Variants in ZNF875 observed in about 807,000 individuals in gnomAD.
ZNF875 encodes the protein HKR1, GLI-Kruppel zinc finger family member.
Under a neutral mutation model 11.2 loss-of-function variants are expected in ZNF875, and 14 were observed. The ratio of observed to expected loss-of-function variants is 1.26; its 90% CI spans 0.83 to 1.96. The LOEUF is 1.96. ZNF875 is among the 30% of genes most tolerant of loss of function. The pLI is 0.00. For missense variants in ZNF875, 752 were observed against 760.4 expected (o/e 0.99, Z 0.13); for synonymous variants, 301 against 281.1 (o/e 1.07, Z -0.71).
chr19:37,345,749 G>T (rs992956331), intron 2 of ZNF875, among the ~76,000 whole-genome samples: 12 of 152,140 alleles, frequency 7.9e-5, no homozygotes, highest in Admixed American at 7.9e-4. Context: ...AAGTTTTAAA[G>T]CAGTATATGG....
At chr19:37,345,471 A>G (rs1295919907) in intron 2 of ZNF875, among the ~76,000 whole-genome samples, 2 of 152,172 alleles carry the variant, frequency 1.3e-5, no homozygotes, top group Non-Finnish European at 2.9e-5. Context: ...TTAGAGACAC[A>G]ATGTCATACC....
intron 2 of ZNF875, among the ~76,000 whole-genome samples, chr19:37,338,403 G>A (rs946480895): frequency 6.6e-6 from 1 of 152,174 alleles, no homozygotes; most frequent in Admixed American, 6.5e-5. Context: ...GATTACAGGT[G>A]TGAGCCACTG....
intron 4 of ZNF875, among the ~76,000 whole-genome samples, chr19:37,361,109 C>CT (rs772368148): frequency 0.035 from 4,040 of 115,812 alleles, 132 homozygotes; most frequent in Non-Finnish European, 0.043. Flanking sequence ...TTGTCTTCTC[C>CT]TTTTTTTTTT....
At position 37,362,238 on chromosome 19, in the gene ZNF875, T is replaced by C. The variant is rs2040060279; in HGVS notation, c.386T>C (p.Leu129Pro). 1 of 1,614,144 alleles carries C rather than the reference T, an allele frequency of 6.2e-7. No homozygotes were observed. Among genetic ancestry groups the C allele is most frequent in the Non-Finnish European group, 8.5e-7 (1 of 1,180,016 alleles). Residue 129 changes from leucine (L) to proline (P), a missense_variant, in exon 5 of 5, where the codon CTC becomes CCC. Leu to Pro is a moderately conservative substitution (Grantham distance 98). Transcript: ENST00000392153. ...LFSSLWAGNP[L>P]HLGKHYPEDQ... ...TCAAGTTTATGGGCAGGAAATCCTC[T>C]CCACCTGGGAAAACACTATCCAGAA...
upstream of ZNF875, among the ~76,000 whole-genome samples, chr19:37,333,096 C>T (rs2033654005): frequency 6.6e-6 from 1 of 152,164 alleles, no homozygotes; most frequent in Non-Finnish European, 1.5e-5. Flanking sequence ...TTGAGAGTCC[C>T]CTTATTACTT....
intron 3 of ZNF875, 125 bp from the exon 4 acceptor site, chr19:37,347,652 A>G: frequency 1.5e-6 from 1 of 664,768 alleles, no homozygotes; most frequent in South Asian, 1.8e-5. Flanking sequence ...CTTCTACTTC[A>G]GAGAGAGAAC....
intron 4 of ZNF875, among the ~76,000 whole-genome samples, chr19:37,353,712 T>C (rs2038361685): frequency 6.6e-6 from 1 of 152,230 alleles, no homozygotes; most frequent in Non-Finnish European, 1.5e-5. Flanking sequence ...GGCATTGCAG[T>C]GTCTTCTGGC....
chr19:37,330,517 A>G (rs1156588413), upstream of ZNF875, among the ~76,000 whole-genome samples: 1 of 152,016 alleles, frequency 6.6e-6, no homozygotes, highest in Admixed American at 6.6e-5. Context: ...CTTCATCCCC[A>G]TAAGCCCCCA....
Position 37,363,817 on chromosome 19 carries a change from G to T in ZNF875, c.*42G>T. 6.5e-7 allele frequency: 1 copy of T among 1,538,082 alleles called. No homozygotes were observed. On this transcript the variant is annotated 3_prime_UTR_variant, in exon 5 of 5. Transcript: ENST00000392153. ...GGGAATGTGGTACAGCCTTTAGCCA[G>T]GAGTCATACTTCATCAGACACCAGA...
chr19:37,320,239 G>T (rs1281961677), intron 1 of ZNF875, among the ~76,000 whole-genome samples: 9 of 152,178 alleles, frequency 5.9e-5, no homozygotes, highest in Non-Finnish European at 1.5e-5. Context: ...AAGGGCCCAT[G>T]AATGAAATTT....
At chr19:37,336,923 AT>A (rs1449157316) in intron 2 of ZNF875, among the ~76,000 whole-genome samples, 1 of 152,088 alleles carries the variant, frequency 6.6e-6, no homozygotes, top group Non-Finnish European at 1.5e-5. Context: ...AAATAAATAA[AT>A]AAATATACAT....
chr19:37,342,139 C>A (rs1481977425), intron 2 of ZNF875, among the ~76,000 whole-genome samples: 1 of 152,190 alleles, frequency 6.6e-6, no homozygotes, highest in East Asian at 1.9e-4. Context: ...AGCGTGGAGA[C>A]TCCACTAGGC....
At chr19:37,333,185 A>T (rs116401314), upstream of ZNF875, among the ~76,000 whole-genome samples, 2,661 of 152,184 alleles carry the variant, frequency 0.017, 96 homozygotes, top group African/African-American at 0.061. Context: ...TTGTACACCT[A>T]CATCTAAACA....
chr19:37,351,077 T>G (rs1342837324), intron 4 of ZNF875, among the ~76,000 whole-genome samples: 2 of 152,174 alleles, frequency 1.3e-5, no homozygotes, highest in South Asian at 2.1e-4. Flanking sequence ...GTGCTGGGAT[T>G]ACAGGCGTGA....
At chr19:37,336,926 A>AATAT (rs1166386416) in intron 2 of ZNF875, among the ~76,000 whole-genome samples, 2 of 152,026 alleles carry the variant, frequency 1.3e-5, no homozygotes, top group African/African-American at 4.8e-5. Context: ...TAAATAAATA[A>AATAT]ATATACATAT....
chr19:37,333,129 G>A (rs1473401547), upstream of ZNF875, among the ~76,000 whole-genome samples: 1 of 152,092 alleles, frequency 6.6e-6, no homozygotes, highest in Non-Finnish European at 1.5e-5. Flanking sequence ...CATTATGTTT[G>A]ATTTATTACA....
intron 3 of ZNF875, among the ~76,000 whole-genome samples, chr19:37,323,856 C>T (rs992750567): frequency 6.6e-6 from 1 of 152,126 alleles, no homozygotes; most frequent in Non-Finnish European, 1.5e-5. Context: ...GTGGTTTGAT[C>T]GCTCCGTTCA....
At chr19:37,324,850 C>G (rs1423868201) in intron 4 of ZNF875, 1 of 153,782 alleles carries the variant, frequency 6.5e-6, no homozygotes, top group Admixed American at 6.6e-5. Flanking sequence ...TCTCTGCTCA[C>G]TGCAAGCTCT....
intron 4 of ZNF875, among the ~76,000 whole-genome samples, chr19:37,359,937 G>A (rs1282590860): frequency 3.9e-5 from 6 of 152,006 alleles, no homozygotes; most frequent in Non-Finnish European, 8.8e-5. Context: ...TGCTGATTAA[G>A]TTTAACTTAC....
Sources: gnomAD v4.1 joint callset for allele counts (sites outside exome capture counted in the v4.1 genomes callset) on GRCh38, gnomAD v4.1.1 for gene constraint, MANE v1.5 for transcripts, NCBI Gene and HGNC (gene_info 2026-07-23, HGNC 2026-07-21) for gene names.